The following NCKAP5 variants were observed in gnomAD, a reference collection of about 807,000 sequenced individuals.
The protein encoded by NCKAP5 is nck-associated protein 5.
A neutral mutation model predicts 167.0 loss-of-function variants in NCKAP5; 92 were observed. The ratio of observed to expected loss-of-function variants is 0.55; its 90% CI spans 0.47 to 0.66. The LOEUF is 0.66. Ranked by LOEUF, NCKAP5 falls within the 30% of genes least tolerant of loss-of-function variation. The pLI, the probability that NCKAP5 is intolerant of heterozygous loss-of-function variation, is 0.00. For synonymous variants in NCKAP5, 891 were observed against 877.4 expected, an observed-to-expected ratio of 1.02 and a Z score of -0.27; for missense variants, 2,378 against 2,315.0, an observed-to-expected ratio of 1.03 and a Z score of -0.56.
chr2:132,945,007 G>T (rs1697592671), intron 8 of NCKAP5, among the ~76,000 whole-genome samples: 1 of 152,108 alleles, frequency 6.6e-6, no homozygotes, highest in African/African-American at 2.4e-5. Context: ...GATGGAGAAG[G>T]CCTTGTGCTC....
At chr2:132,684,355 T>G (rs550144170) in intron 19 of NCKAP5, among the ~76,000 whole-genome samples, 6 of 152,362 alleles carry the variant, frequency 3.9e-5, no homozygotes, top group Admixed American at 6.5e-5. Context: ...TGTTTGCTTT[T>G]GATTTTCTTA....
At chr2:132,920,842 G>T (rs1695371267) in intron 8 of NCKAP5, among the ~76,000 whole-genome samples, 1 of 121,204 alleles carries the variant, frequency 8.3e-6, no homozygotes, top group African/African-American at 3.1e-5. Context: ...TGTCCTTTGA[G>T]GGCTGGGTCC....
At chr2:133,407,681 A>G (rs889220269) in intron 3 of NCKAP5, among the ~76,000 whole-genome samples, 1 of 152,218 alleles carries the variant, frequency 6.6e-6, no homozygotes, top group Non-Finnish European at 1.5e-5. Flanking sequence ...GAGCAAAGAT[A>G]CCAAGTAAGT....
At chr2:133,045,957 C>T (rs897559463) in intron 6 of NCKAP5, among the ~76,000 whole-genome samples, 4 of 152,184 alleles carry the variant, frequency 2.6e-5, no homozygotes, top group African/African-American at 4.8e-5. Context: ...TTGATAAGCA[C>T]GTGGCTATGC....
At chr2:133,041,172 C>T (rs574539696) in intron 6 of NCKAP5, among the ~76,000 whole-genome samples, 30 of 152,252 alleles carry the variant, frequency 2.0e-4, no homozygotes, top group African/African-American at 5.8e-4. Flanking sequence ...TGGAGATGCT[C>T]TTTGCCTCTC....
the NCKAP5 span, among the ~76,000 whole-genome samples, chr2:133,588,267 C>T: frequency 1.7e-5 from 2 of 117,592 alleles, no homozygotes; most frequent in South Asian, 3.0e-4. Flanking sequence ...TTTTTCCTCC[C>T]TCCCTCCCTC....
the NCKAP5 span, among the ~76,000 whole-genome samples, chr2:133,646,120 T>C: frequency 2.6e-5 from 4 of 152,100 alleles, no homozygotes; most frequent in Admixed American, 6.5e-5. Flanking sequence ...CTATAAATAA[T>C]ATGTAAACAA....
chr2:132,897,158 C>T (rs1693271364), intron 8 of NCKAP5, among the ~76,000 whole-genome samples: 1 of 152,194 alleles, frequency 6.6e-6, no homozygotes, highest in Non-Finnish European at 1.5e-5. Flanking sequence ...CTCACTTCTT[C>T]CTTTCCTTGA....
chr2:133,093,318 T>C (rs2149646954), intron 6 of NCKAP5, among the ~76,000 whole-genome samples: 1 of 152,268 alleles, frequency 6.6e-6, no homozygotes, highest in Middle Eastern at 3.4e-3. Context: ...TTCTTGCAGA[T>C]TATTCTGGAG....
Position 132,672,994 on chromosome 2 carries a change from G to T in NCKAP5, c.*295C>A. On this transcript the variant is annotated 3_prime_UTR_variant, in exon 20 of 20. Coordinates refer to ENST00000409261, the MANE Select transcript of NCKAP5 (RefSeq NM_207363.3). ...CACCCATCATTTCTTAAGCGCTCCA[G>T]TCCCAGCTCACTAAGGGAAGAGATG... is the stretch of plus-strand genomic sequence containing the variant. The T allele has an allele frequency of 1.1e-6, 1 of 935,114 alleles. No individual in the cohort carries two copies. The highest frequency in any genetic ancestry group is 1.2e-6 in the Non-Finnish European group (1 of 810,840). 57.9% of individuals were successfully genotyped at this position (935,114 alleles called of 1,614,324 possible).
chr2:133,498,883 C>T (rs1056728274), intron 3 of NCKAP5, among the ~76,000 whole-genome samples: 2 of 152,220 alleles, frequency 1.3e-5, no homozygotes, highest in Non-Finnish European at 2.9e-5. Flanking sequence ...CTTTAATACT[C>T]ATTATCTTGG....
chr2:132,888,367 T>A (rs990280270), intron 8 of NCKAP5, among the ~76,000 whole-genome samples: 1 of 152,112 alleles, frequency 6.6e-6, no homozygotes, highest in Non-Finnish European at 1.5e-5. Flanking sequence ...ATAAATTTGA[T>A]TTATTATTAG....
chr2:133,105,898 C>T (rs867084048), intron 6 of NCKAP5, among the ~76,000 whole-genome samples: 41 of 152,170 alleles, frequency 2.7e-4, no homozygotes, highest in Admixed American at 7.2e-4. Context: ...GTTTATATTG[C>T]GCTTTCACAG....
chr2:133,610,457 C>A, the NCKAP5 span, among the ~76,000 whole-genome samples: 1 of 152,160 alleles, frequency 6.6e-6, no homozygotes, highest in Admixed American at 6.5e-5. Flanking sequence ...TGAGTTCCCA[C>A]AATCATTCCC....
chr2:132,823,563 C>T (rs1558823968), intron 11 of NCKAP5, among the ~76,000 whole-genome samples: 1 of 151,664 alleles, frequency 6.6e-6, no homozygotes, highest in Non-Finnish European at 1.5e-5. Context: ...TTAAAATCTT[C>T]AAAGAAAACC....
chr2:133,151,074 T>C lies in NCKAP5; in HGVS notation c.208-20963A>G, dbSNP rs373931135. On this transcript the variant is annotated intron_variant, in intron 5 of 19. Transcript: ENST00000409261. ...GCCTAGAGAGGAACTTCTAGGATAC[T>C]GGTAATATTCTATTTGTTGGTTTAG... is the stretch of plus-strand genomic sequence containing the variant. 2.0e-5 allele frequency among the ~76,000 whole-genome samples: 3 copies of C among 152,210 alleles called. 1 individual carries two copies. The East Asian group carries it at 5.8e-4, about 29-fold the overall frequency.
In NCKAP5 at chr2:132,785,244, C is replaced by G; in HGVS notation, c.1567G>C (p.Glu523Gln). The part of the protein sequence containing the change: ...GWETNRKHFL[E>Q]GTSSVYPKER... ...TTGGGATAAACTGAGGATGTGCCTT[C>G]CAGAAAGTGTTTTCTGTTTGTCTCC... The change falls in exon 14 of 20, where the codon GAA (glutamate) becomes CAA (glutamine). Residue 523 changes from glutamate to glutamine, a missense_variant. Coordinates refer to ENST00000409261, the MANE Select transcript of NCKAP5 (RefSeq NM_207363.3). 1.3e-6 allele frequency: 2 copies of G among 1,570,014 alleles called. No individual in the cohort carries two copies. The highest frequency in any genetic ancestry group is 1.7e-6 in the Non-Finnish European group (2 of 1,158,972).
intron 3 of NCKAP5, among the ~76,000 whole-genome samples, chr2:133,408,879 A>G (rs10171473): frequency 0.23 from 35,471 of 151,906 alleles, 4,273 homozygotes; most frequent in Non-Finnish European, 0.25. Flanking sequence ...AAGATCAGAG[A>G]AGCAGACCCC....
intron 3 of NCKAP5, among the ~76,000 whole-genome samples, chr2:133,431,122 A>C (rs1690133703): frequency 6.6e-6 from 1 of 152,144 alleles, no homozygotes; most frequent in Non-Finnish European, 1.5e-5. Context: ...GTTCAAGGAA[A>C]TATAACATGA....
Sources: gnomAD v4.1 joint callset for allele counts (sites outside exome capture counted in the v4.1 genomes callset) on GRCh38, gnomAD v4.1.1 for gene constraint, MANE v1.5 for transcripts, NCBI Gene and HGNC (gene_info 2026-07-23, HGNC 2026-07-21) for gene names.